CHN1: variants seen among roughly 807,000 people sequenced by gnomAD.
CHN1 encodes the protein N-chimaerin.
In CHN1, 37 loss-of-function variants were observed where a neutral mutation model predicts 59.5. That is an observed-to-expected ratio of 0.62 (90% CI 0.48 to 0.82). The LOEUF is 0.82. Among genes scored for constraint, CHN1 ranks in the 40% least tolerant of loss-of-function variants. The pLI is 0.00. For missense variants in CHN1, 469 were observed against 571.0 expected, an observed-to-expected ratio of 0.82 and a Z score of 1.82; for synonymous variants, 206 against 200.4, an observed-to-expected ratio of 1.03 and a Z score of -0.24.
intron 6 of CHN1, among the ~76,000 whole-genome samples, chr2:174,855,384 C>T (rs1686870210): frequency 6.6e-6 from 1 of 152,150 alleles, no homozygotes; most frequent in Admixed American, 6.6e-5. Context: ...ATATGAGTTT[C>T]TCATTCAGGT....
intron 9 of CHN1, among the ~76,000 whole-genome samples, chr2:174,811,857 C>T (rs1461215177): frequency 3.3e-5 from 5 of 152,176 alleles, no homozygotes; most frequent in Admixed American, 2.6e-4. Context: ...ACCCCAATTA[C>T]ATCATAAATT....
Position 174,835,995 on chromosome 2 carries a change from G to A in CHN1, c.627+10885C>T, listed in dbSNP as rs1686062285. Among the ~76,000 whole-genome samples, 4 of 152,084 alleles carry A rather than the reference G, an allele frequency of 2.6e-5. 1 individual carries two copies. The South Asian group carries it at 8.3e-4, about 32-fold the overall frequency. On this transcript the variant is annotated intron_variant, in intron 7 of 12. Transcript: ENST00000409900. The stretch of plus-strand genomic sequence containing the variant: ...AGTCATCAGTAAAAGACTCAAGAAG[G>A]CTCCTCGGCAGATCTCCAGAATGCC...
intron 6 of CHN1, among the ~76,000 whole-genome samples, chr2:174,859,069 G>T (rs1343841061): frequency 1.3e-5 from 2 of 150,180 alleles, no homozygotes; most frequent in Non-Finnish European, 1.5e-5. Context: ...AAGATTTTAG[G>T]TTGATAAGCT....
chr2:174,903,320 C>A (rs1688447334), intron 5 of CHN1, among the ~76,000 whole-genome samples: 1 of 152,134 alleles, frequency 6.6e-6, no homozygotes, highest in African/African-American at 2.4e-5. Flanking sequence ...GTTTATTGCA[C>A]AACTATATAG....
At chr2:174,809,088 A>G in intron 10 of CHN1, 46 bp from the exon 11 acceptor site, 1 of 1,532,038 alleles carries the variant, frequency 6.5e-7, no homozygotes. Flanking sequence ...CTGGATTCAC[A>G]GCACTGTTTT....
chr2:175,005,306 G>C lies in CHN1; in HGVS notation c.-394C>G. On this transcript the variant is annotated 5_prime_UTR_variant, in exon 1 of 13. Coordinates refer to ENST00000409900, the MANE Select transcript of CHN1 (RefSeq NM_001822.7). ...CGACGGGGAGAGCAGCAGCAGCCTC[G>C]CACAGCCCCCGGCGGGGCGCGCTCA... 8.4e-7 allele frequency: 1 copy of C among 1,193,438 alleles called. No homozygotes were observed. Among genetic ancestry groups the C allele is most frequent in the African/African-American group, 1.6e-5 (1 of 61,586 alleles). 73.9% of individuals were successfully genotyped at this position (1,193,438 alleles called of 1,614,324 possible).
chr2:175,001,627 G>A (rs1248935881), intron 1 of CHN1, among the ~76,000 whole-genome samples: 1 of 152,238 alleles, frequency 6.6e-6, no homozygotes, highest in Non-Finnish European at 1.5e-5. Context: ...AGGAGGGTGA[G>A]CAGCAACGCC....
Position 174,987,944 on chromosome 2 carries a change from T to C in CHN1, c.19+16950A>G, listed in dbSNP as rs558936124. 4.6e-5 allele frequency among the ~76,000 whole-genome samples: 7 copies of C among 152,216 alleles called. No homozygotes were observed. The South Asian group carries it at 1.2e-3, about 27-fold the overall frequency. Reference sequence around the variant, plus strand: ...GAGAGGGAGATGTGAGTTTTAACTATGGTGAGGATGGTCTAAACTGAGAAA... The same window carrying C: ...GAGAGGGAGATGTGAGTTTTAACTACGGTGAGGATGGTCTAAACTGAGAAA... On this transcript the variant is annotated intron_variant, in intron 1 of 12. Transcript: ENST00000409900.
chr2:174,950,191 C>T (rs1033224798), intron 2 of CHN1, among the ~76,000 whole-genome samples: 2 of 151,530 alleles, frequency 1.3e-5, no homozygotes, highest in Non-Finnish European at 2.9e-5. Context: ...AAGGCTGTAG[C>T]GTGCCAAGAT....
chr2:174,835,372 A>C (rs896143136), intron 7 of CHN1, among the ~76,000 whole-genome samples: 2 of 152,028 alleles, frequency 1.3e-5, no homozygotes, highest in African/African-American at 4.8e-5. Flanking sequence ...TGCTTTCACC[A>C]TATTTTTTTC....
intron 1 of CHN1, among the ~76,000 whole-genome samples, chr2:174,969,714 C>A (rs1690699808): frequency 6.6e-6 from 1 of 151,722 alleles, no homozygotes; most frequent in African/African-American, 2.4e-5. Context: ...CTACTTAGTA[C>A]TTCTTGCTAT....
At chr2:174,948,802 T>G (rs1319121823) in intron 2 of CHN1, among the ~76,000 whole-genome samples, 3 of 152,188 alleles carry the variant, frequency 2.0e-5, no homozygotes, top group Non-Finnish European at 4.4e-5. Flanking sequence ...ACATACCTAA[T>G]TATTTTTAAA....
At chr2:175,003,501 C>G (rs1251384201) in intron 1 of CHN1, among the ~76,000 whole-genome samples, 6 of 152,090 alleles carry the variant, frequency 3.9e-5, no homozygotes, top group African/African-American at 1.4e-4. Context: ...ACTTGTAAAC[C>G]TTACTTCTGA....
At chr2:174,911,449 G>A (rs967421896) in intron 5 of CHN1, among the ~76,000 whole-genome samples, 3 of 152,106 alleles carry the variant, frequency 2.0e-5, no homozygotes, top group East Asian at 1.9e-4. Context: ...CTCTGAACAC[G>A]CAAATGTCTG....
intron 5 of CHN1, 97 bp downstream of exon 5, chr2:174,914,961 C>G (rs968534090): frequency 1.6e-6 from 1 of 617,754 alleles, no homozygotes; most frequent in African/African-American, 1.9e-5. Context: ...AAAACAAGAA[C>G]CAATTCAATT....
Position 174,855,608 on chromosome 2 carries a change from C to T in CHN1, c.550-8651G>A, listed in dbSNP as rs527801612. On this transcript the variant is annotated intron_variant, in intron 6 of 12. Coordinates refer to ENST00000409900, the MANE Select transcript of CHN1 (RefSeq NM_001822.7). ...ATTAGAGCCAAGAGTGGAATATATT[C>T]CAAGGTACTTAACAATAATATGTCA... Among the ~76,000 whole-genome samples the T allele has an allele frequency of 6.8e-4, 103 of 152,130 alleles. 1 individual carries two copies. The highest frequency in any genetic ancestry group is 6.8e-3 in the Middle Eastern group (2 of 294).
intron 7 of CHN1, among the ~76,000 whole-genome samples, chr2:174,841,406 A>C (rs375378578): frequency 2.0e-5 from 3 of 152,314 alleles, no homozygotes; most frequent in Admixed American, 6.5e-5. Flanking sequence ...GCAGCATCAG[A>C]TATGTACTAT....
At chr2:174,830,231 T>C (rs1410281794) in intron 7 of CHN1, among the ~76,000 whole-genome samples, 1 of 146,420 alleles carries the variant, frequency 6.8e-6, no homozygotes, top group Non-Finnish European at 1.5e-5. Context: ...AGACTCTGTC[T>C]CAAAAAAAAA....
intron 10 of CHN1, among the ~76,000 whole-genome samples, chr2:174,809,760 CTG>C (rs1685015048): frequency 2.0e-5 from 3 of 152,232 alleles, no homozygotes. Context: ...TATAACATCT[CTG>C]TTTCCTGATT....
Sources: allele counts gnomAD v4.1 joint callset (sites outside exome capture counted in the v4.1 genomes callset), GRCh38; gene constraint gnomAD v4.1.1; transcripts MANE v1.5; gene names NCBI Gene and HGNC (gene_info 2026-07-23, HGNC 2026-07-21).